The following STARD13 variants were observed in gnomAD, a reference collection of about 807,000 sequenced individuals.
The protein encoded by STARD13 is StAR related lipid transfer domain containing 13.
In STARD13, 62 loss-of-function variants were observed where a neutral mutation model predicts 106.4. The ratio of observed to expected loss-of-function variants is 0.58; its 90% CI spans 0.48 to 0.72. The LOEUF is 0.72. Among genes scored for constraint, STARD13 ranks in the 30% least tolerant of loss-of-function variants. The probability of loss-of-function intolerance (pLI) is 0.00; values close to 1 mark genes in which losing one functional copy is unlikely to be tolerated. For missense variants in STARD13, 1,387 were observed against 1,424.0 expected (o/e 0.97, Z 0.42); for synonymous variants, 565 against 553.0 (o/e 1.02, Z -0.31).
intron 1 of STARD13, among the ~76,000 whole-genome samples, chr13:33,257,379 T>G (rs892417990): frequency 3.3e-5 from 5 of 152,204 alleles, no homozygotes; most frequent in African/African-American, 1.2e-4. Context: ...TCAGCAACTT[T>G]GCAAGACTTT....
At chr13:33,585,521 C>G in the STARD13 span, among the ~76,000 whole-genome samples, 4 of 152,200 alleles carry the variant, frequency 2.6e-5, no homozygotes, top group South Asian at 8.3e-4. Context: ...TGATGAAACC[C>G]AGACTCTAGA....
chr13:33,645,109 C>T, the STARD13 span, among the ~76,000 whole-genome samples: 1 of 152,294 alleles, frequency 6.6e-6, no homozygotes, highest in East Asian at 1.9e-4. Context: ...TCTTTCCCTT[C>T]CCCTTGACCC....
chr13:33,569,812 A>C, the STARD13 span, among the ~76,000 whole-genome samples: 1 of 147,922 alleles, frequency 6.8e-6, no homozygotes, highest in Admixed American at 7.0e-5. Context: ...AGCTTAAGAT[A>C]GAGATAAAAT....
chr13:33,332,357 T>C (rs1316780177), intron 1 of STARD13, among the ~76,000 whole-genome samples: 7 of 152,156 alleles, frequency 4.6e-5, no homozygotes, highest in Non-Finnish European at 7.4e-5. Context: ...TCAAATTTCA[T>C]ATGTTGAAGT....
chr13:33,307,362 A>G (rs936704745), intron 1 of STARD13, among the ~76,000 whole-genome samples: 2 of 152,230 alleles, frequency 1.3e-5, no homozygotes, highest in Non-Finnish European at 2.9e-5. Flanking sequence ...ATGCATGTGT[A>G]TGTTCACTGC....
At chr13:33,358,985 A>G in the STARD13 span, among the ~76,000 whole-genome samples, 21,920 of 152,072 alleles carry the variant, frequency 0.14, 1,705 homozygotes, top group Middle Eastern at 0.21. Context: ...CTTTGTATCT[A>G]GCTCAGGGAT....
chr13:33,548,905 CAA>C, the STARD13 span, among the ~76,000 whole-genome samples: 1 of 151,420 alleles, frequency 6.6e-6, no homozygotes, highest in South Asian at 2.1e-4. Context: ...TAAAGAAAGA[CAA>C]AATCAAAAAT....
chr13:33,153,923 A>G (rs890833181), intron 3 of STARD13, among the ~76,000 whole-genome samples: 1 of 152,110 alleles, frequency 6.6e-6, no homozygotes, highest in Admixed American at 6.5e-5. Context: ...GACATTCAGG[A>G]ACCTAAGTCA....
At chr13:33,271,930 C>T (rs916388057) in intron 1 of STARD13, among the ~76,000 whole-genome samples, 3 of 152,162 alleles carry the variant, frequency 2.0e-5, no homozygotes, top group East Asian at 1.9e-4. Flanking sequence ...GCTCCCAGAT[C>T]GTCCAGACTT....
At chr13:33,285,794 C>T (rs1292285333), upstream of STARD13, 1 of 1,435,620 alleles carries the variant, frequency 7.0e-7, no homozygotes, top group African/African-American at 1.4e-5. Flanking sequence ...ACTCAGAATT[C>T]CAACCCCCGG....
intron 4 of STARD13, among the ~76,000 whole-genome samples, chr13:33,137,792 A>G (rs1342150333): frequency 6.6e-6 from 1 of 152,204 alleles, no homozygotes; most frequent in African/African-American, 2.4e-5. Flanking sequence ...GCATGTAATT[A>G]TTTGCAATTC....
the STARD13 span, among the ~76,000 whole-genome samples, chr13:33,638,613 A>G: frequency 1.3e-5 from 2 of 152,170 alleles, no homozygotes; most frequent in East Asian, 1.9e-4. Flanking sequence ...TAGATTGTAA[A>G]TGTTTCTTTT....
chr13:33,265,834 A>G (rs1890869423), intron 1 of STARD13, among the ~76,000 whole-genome samples: 1 of 152,068 alleles, frequency 6.6e-6, no homozygotes, highest in African/African-American at 2.4e-5. Context: ...GAAGTAGAAT[A>G]AAAATCTCAA....
chr13:33,668,531 T>G, the STARD13 span, among the ~76,000 whole-genome samples: 1 of 152,214 alleles, frequency 6.6e-6, no homozygotes, highest in Non-Finnish European at 1.5e-5. Flanking sequence ...AGTTTCTGCC[T>G]GTATAGTAGT....
chr13:33,626,023 T>C, the STARD13 span, among the ~76,000 whole-genome samples: 1 of 152,182 alleles, frequency 6.6e-6, no homozygotes, highest in Non-Finnish European at 1.5e-5. Flanking sequence ...TTTAAAATTA[T>C]TCTGTTCTGA....
intron 1 of STARD13, among the ~76,000 whole-genome samples, chr13:33,171,148 A>G (rs1883908987): frequency 6.6e-6 from 1 of 152,248 alleles, no homozygotes; most frequent in African/African-American, 2.4e-5. Context: ...GCATAATATT[A>G]TGTAAAAGCA....
the STARD13 span, among the ~76,000 whole-genome samples, chr13:33,456,021 T>G: frequency 1.3e-5 from 2 of 152,318 alleles, no homozygotes; most frequent in East Asian, 3.9e-4. Flanking sequence ...AAGAAAGTCA[T>G]ATGATATCCA....
chr13:33,518,770 A>T, the STARD13 span, among the ~76,000 whole-genome samples: 1 of 152,122 alleles, frequency 6.6e-6, no homozygotes, highest in Admixed American at 6.5e-5. Flanking sequence ...TATGGCCAGA[A>T]TTCACAGTCA....
the STARD13 span, chr13:33,659,705 T>G: frequency 6.6e-6 from 1 of 152,220 alleles, no homozygotes; most frequent in African/African-American, 2.4e-5. Flanking sequence ...CCATGCTAAA[T>G]GAAGTCAGTA....
Sources: gnomAD v4.1 joint callset for allele counts (sites outside exome capture counted in the v4.1 genomes callset) on GRCh38, gnomAD v4.1.1 for gene constraint, MANE v1.5 for transcripts, NCBI Gene and HGNC (gene_info 2026-07-23, HGNC 2026-07-21) for gene names.